PHKB: variants seen among roughly 807,000 people sequenced by gnomAD.
PHKB encodes the protein phosphorylase b kinase regulatory subunit beta.
In PHKB, 122 loss-of-function variants were observed where a neutral mutation model predicts 152.1. That is an observed-to-expected ratio of 0.80 (90% CI 0.69 to 0.93). The LOEUF is 0.93. PHKB is among the 40% of genes least tolerant of loss of function. The pLI is 0.00. For missense variants in PHKB, 1,304 were observed against 1,328.4 expected (o/e 0.98, Z 0.29); for synonymous variants, 436 against 464.9 (o/e 0.94, Z 0.80).
intron 29 of PHKB, among the ~76,000 whole-genome samples, chr16:47,697,714 C>T (rs1035709374): frequency 1.3e-5 from 2 of 152,108 alleles, no homozygotes; most frequent in African/African-American, 4.8e-5. Context: ...AAATTAGGAG[C>T]CATAAACATC....
At chr16:47,603,382 T>C (rs1972266951) in intron 13 of PHKB, among the ~76,000 whole-genome samples, 1 of 152,234 alleles carries the variant, frequency 6.6e-6, no homozygotes, top group South Asian at 2.1e-4. Context: ...TGATGGCTAG[T>C]GACCTAAAGT....
At chr16:47,548,236 G>A (rs2151672938) in intron 7 of PHKB, 1 of 152,350 alleles carries the variant, frequency 6.6e-6, no homozygotes, top group African/African-American at 2.4e-5. Context: ...TCCTATCCAT[G>A]TTGCACTAAA....
chr16:47,556,218 G>A (rs1023305479), intron 7 of PHKB, among the ~76,000 whole-genome samples: 2 of 152,224 alleles, frequency 1.3e-5, no homozygotes, highest in Non-Finnish European at 2.9e-5. Context: ...CTGCAAACAG[G>A]GACAGTTTGA....
At chr16:47,517,198 C>G (rs957470106) in intron 6 of PHKB, among the ~76,000 whole-genome samples, 1 of 152,048 alleles carries the variant, frequency 6.6e-6, no homozygotes, top group Non-Finnish European at 1.5e-5. Flanking sequence ...CTTATGATAA[C>G]CGTTTACAAT....
intron 26 of PHKB, among the ~76,000 whole-genome samples, chr16:47,687,308 A>T (rs923458233): frequency 1.3e-5 from 2 of 152,242 alleles, no homozygotes; most frequent in Non-Finnish European, 2.9e-5. Flanking sequence ...ATGTTGCTGT[A>T]ATAGCTAATT....
At chr16:47,623,403 T>G (rs573154361) in intron 14 of PHKB, among the ~76,000 whole-genome samples, 1 of 151,972 alleles carries the variant, frequency 6.6e-6, no homozygotes, top group Non-Finnish European at 1.5e-5. Context: ...GCATTTAACC[T>G]GTTAGATTTC....
At chr16:47,686,508 G>T (rs953143687) in intron 26 of PHKB, among the ~76,000 whole-genome samples, 2 of 152,036 alleles carry the variant, frequency 1.3e-5, no homozygotes, top group Non-Finnish European at 2.9e-5. Flanking sequence ...GACATTATTT[G>T]TTCCTCAAAA....
chr16:47,688,864 C>T (rs1253909700), intron 26 of PHKB, among the ~76,000 whole-genome samples, 177 bp from the exon 27 acceptor site: 1 of 152,132 alleles, frequency 6.6e-6, no homozygotes, highest in African/African-American at 2.4e-5. Context: ...TTTTAAGAGT[C>T]TGATCATGTC....
At chr16:47,688,656 C>G (rs945018868) in intron 26 of PHKB, among the ~76,000 whole-genome samples, 1 of 149,500 alleles carries the variant, frequency 6.7e-6, no homozygotes, top group Non-Finnish European at 1.5e-5. Context: ...TCTTGAAATG[C>G]ATTGTTTCTC....
chr16:47,559,941 C>T (rs1313612424), intron 7 of PHKB, among the ~76,000 whole-genome samples: 1 of 152,174 alleles, frequency 6.6e-6, no homozygotes, highest in African/African-American at 2.4e-5. Context: ...AACTTTGGAC[C>T]TGCAAAGAGC....
At chr16:47,660,464 G>C in intron 20 of PHKB, 42 bp from the exon 21 acceptor site, 1 of 1,507,162 alleles carries the variant, frequency 6.6e-7, no homozygotes, top group Non-Finnish European at 9.2e-7. Context: ...AGTATGGCTT[G>C]ATGTATCTAA....
intron 16 of PHKB, among the ~76,000 whole-genome samples, chr16:47,642,620 A>G (rs751237473): frequency 2.0e-5 from 3 of 152,206 alleles, no homozygotes; most frequent in Non-Finnish European, 4.4e-5. Flanking sequence ...TCTTGTTGCT[A>G]TAACAGAAAA....
At chr16:47,471,022 C>G (rs1969757561) in intron 1 of PHKB, among the ~76,000 whole-genome samples, 1 of 152,172 alleles carries the variant, frequency 6.6e-6, no homozygotes, top group South Asian at 2.1e-4. Flanking sequence ...TCAATGCACA[C>G]TATTGTTGCC....
intron 7 of PHKB, among the ~76,000 whole-genome samples, chr16:47,576,048 C>T (rs1971743974): frequency 6.6e-6 from 1 of 152,148 alleles, no homozygotes; most frequent in Non-Finnish European, 1.5e-5. Context: ...TGCACTCCAG[C>T]TTGGGCAACA....
intron 14 of PHKB, among the ~76,000 whole-genome samples, chr16:47,618,221 G>A (rs994374200): frequency 7.2e-5 from 11 of 152,138 alleles, no homozygotes; most frequent in African/African-American, 2.7e-4. Flanking sequence ...TTTTACACTA[G>A]AAATGTATTT....
At chr16:47,538,625 C>G (rs1312272963) in intron 6 of PHKB, among the ~76,000 whole-genome samples, 1 of 152,222 alleles carries the variant, frequency 6.6e-6, no homozygotes, top group Non-Finnish European at 1.5e-5. Context: ...TCAGGTGCCC[C>G]AGCCATTCGT....
chr16:47,634,838 G>C (rs1225655454), intron 14 of PHKB, among the ~76,000 whole-genome samples: 1 of 152,192 alleles, frequency 6.6e-6, no homozygotes, highest in Non-Finnish European at 1.5e-5. Context: ...AGGGCCTCTT[G>C]GGCCTGATAA....
intron 1 of PHKB, among the ~76,000 whole-genome samples, chr16:47,495,764 G>A (rs1349547580): frequency 6.6e-6 from 1 of 152,142 alleles, no homozygotes; most frequent in Non-Finnish European, 1.5e-5. Flanking sequence ...GGCATGACTG[G>A]AGGGGGCTGG....
intron 13 of PHKB, among the ~76,000 whole-genome samples, chr16:47,600,327 A>G (rs1972199453): frequency 1.3e-5 from 2 of 152,198 alleles, no homozygotes; most frequent in Admixed American, 6.5e-5. Flanking sequence ...TAGAAAATCA[A>G]TATTTTCTAT....
Sources: gnomAD v4.1 joint callset for allele counts (sites outside exome capture counted in the v4.1 genomes callset) on GRCh38, gnomAD v4.1.1 for gene constraint, MANE v1.5 for transcripts, NCBI Gene and HGNC (gene_info 2026-07-23, HGNC 2026-07-21) for gene names.